Variants in SRRM1 observed in about 807,000 individuals in gnomAD.
SRRM1 encodes the protein serine/arginine repetitive matrix protein 1.
Under a neutral mutation model 110.2 loss-of-function variants are expected in SRRM1, and 19 were observed. That is an observed-to-expected ratio of 0.17 (90% CI 0.12 to 0.25). The LOEUF (loss-of-function observed/expected upper bound fraction) is 0.25. Ranked by LOEUF, SRRM1 falls within the 10% of genes least tolerant of loss-of-function variation. The pLI, the probability that SRRM1 is intolerant of heterozygous loss-of-function variation, is 1.00. For synonymous variants in SRRM1, 443 were observed against 414.9 expected, an observed-to-expected ratio of 1.07 and a Z score of -0.82; for missense variants, 918 against 1,145.8, an observed-to-expected ratio of 0.80 and a Z score of 2.87.
chr1:24,643,463 T>G, intron 1 of SRRM1, 116 bp downstream of exon 1: 6 of 834,334 alleles, frequency 7.2e-6, no homozygotes, highest in East Asian at 3.5e-5. Flanking sequence ...ATCTTAAGGA[T>G]TCCTCCTAGA....
At chr1:24,656,929 A>G (rs1570872292) in intron 9 of SRRM1, among the ~76,000 whole-genome samples, 1 of 152,230 alleles carries the variant, frequency 6.6e-6, no homozygotes, top group East Asian at 1.9e-4. Context: ...GAAGTAAGCC[A>G]TGGTGAAAAT....
At chr1:24,658,660 CATA>C (rs924797201) in intron 9 of SRRM1, among the ~76,000 whole-genome samples, 8 of 151,944 alleles carry the variant, frequency 5.3e-5, no homozygotes, top group African/African-American at 1.9e-4. Context: ...ACGACGTGCC[CATA>C]ATATCTTTGC....
chr1:24,655,070 A>G lies in SRRM1; in HGVS notation c.1256A>G (p.Gln419Arg). 1 of 1,614,192 alleles carries G rather than the reference A, an allele frequency of 6.2e-7. No homozygotes were observed. Among genetic ancestry groups the G allele is most frequent in the Non-Finnish European group, 8.5e-7 (1 of 1,180,034 alleles). The change falls in exon 9 of 17, where the codon CAG becomes CGG. Residue 419 changes from glutamine to arginine, a missense_variant. Physicochemically the swap from Gln to Arg is conservative, Grantham distance 43. Transcript: ENST00000323848. Reference protein sequence around the residue: ...PKTRHSPTPQQSNRTRKSRVS... With the variant: ...PKTRHSPTPQRSNRTRKSRVS... ...ACTCGGCATTCCCCTACACCCCAGCAGTCAAACCGTACAAGAAAAAGTCGT... is the reference window on the plus strand; with the variant it reads ...ACTCGGCATTCCCCTACACCCCAGCGGTCAAACCGTACAAGAAAAAGTCGT...
chr1:24,669,808 T>C (rs1671825357), intron 14 of SRRM1: 2 of 569,878 alleles, frequency 3.5e-6, no homozygotes, highest in Non-Finnish European at 6.1e-6. Context: ...TATTAATTTG[T>C]TTTTGAGGGG....
At chr1:24,662,083 G>A (rs908251406) in intron 11 of SRRM1, among the ~76,000 whole-genome samples, 7 of 152,172 alleles carry the variant, frequency 4.6e-5, no homozygotes, top group African/African-American at 1.7e-4. Flanking sequence ...GGGCAACAGA[G>A]CAAGGCTTTG....
At position 24,666,850 on chromosome 1, in the gene SRRM1, C is replaced by A. The variant is rs760254420; in HGVS notation, c.1664C>A (p.Thr555Asn). ...RRRRSPSPPP[T>N]RRRRSPSPAP... ...AGGAGAAGTCCATCCCCACCACCCA[C>A]CAGAAGGCGACGGTCTCCTTCTCCC... The change falls in exon 13 of 17, where the codon ACC becomes AAC. Residue 555 changes from threonine to asparagine, a missense_variant. Transcript: ENST00000323848. 8 of 1,613,450 alleles carry A rather than the reference C, an allele frequency of 5.0e-6. No individual in the cohort carries two copies. The Admixed American group carries it at 1.3e-4, about 27-fold the overall frequency.
rs540286158 is a variant in SRRM1, at chr1:24,654,978, A to G, written c.1164A>G (p.Leu388=). 3 of 1,614,168 alleles carry G rather than the reference A, an allele frequency of 1.9e-6. No individual in the cohort carries two copies. Among genetic ancestry groups the G allele is most frequent in the African/African-American group, 2.7e-5 (2 of 75,040 alleles). ...GCCCCCCTCGGAAAACTCGTAGGTT[A>G]TCTCCTTCAGCAAGTCCTCCAAGGC... The part of the protein sequence containing the change: ...TSSPPRKTRR[L]SPSASPPRRR... The change falls in exon 9 of 17, where the codon TTA becomes TTG. Residue 388 remains leucine, a synonymous_variant. Transcript: ENST00000323848.
intron 2 of SRRM1, 140 bp downstream of exon 2, chr1:24,646,213 C>T (rs905732390): frequency 1.7e-5 from 11 of 635,576 alleles, no homozygotes; most frequent in Admixed American, 5.1e-5. Flanking sequence ...AGCCACCACA[C>T]GTGGCACAGC....
At chr1:24,664,096 A>T (rs568353627) in intron 12 of SRRM1, among the ~76,000 whole-genome samples, 107 of 150,070 alleles carry the variant, frequency 7.1e-4, no homozygotes, top group African/African-American at 2.5e-3. Context: ...TGTAGGTTCA[A>T]ACGATTCTCC....
chr1:24,646,540 AT>A, intron 2 of SRRM1, 126 bp from the exon 3 acceptor site: 3 of 715,374 alleles, frequency 4.2e-6, no homozygotes, highest in Non-Finnish European at 6.5e-6. Context: ...AAAAAAAAAA[AT>A]TAGCAGATTC....
chr1:24,657,008 G>T (rs1664512627), intron 9 of SRRM1, among the ~76,000 whole-genome samples: 1 of 152,180 alleles, frequency 6.6e-6, no homozygotes, highest in Non-Finnish European at 1.5e-5. Flanking sequence ...AGGCACTACA[G>T]GCAGTGTAGT....
chr1:24,647,723 A>G (rs1027029102), intron 3 of SRRM1: 10 of 152,654 alleles, frequency 6.6e-5, no homozygotes, highest in African/African-American at 2.4e-4. Flanking sequence ...TTTTAAAATA[A>G]TTTGGTGTTT....
chr1:24,663,224 G>T, intron 12 of SRRM1: 1 of 1,507,730 alleles, frequency 6.6e-7, no homozygotes. Context: ...GTGACTAAAA[G>T]GTTGGTTAGA....
At chr1:24,648,747 C>T (rs901210286) in intron 3 of SRRM1, 112 bp from the exon 4 acceptor site, 2 of 863,962 alleles carry the variant, frequency 2.3e-6, no homozygotes, top group South Asian at 1.7e-5. Context: ...TATGTCTAAG[C>T]CCCTATGGTA....
chr1:24,661,173 C>CT (rs540994425), intron 10 of SRRM1, 137 bp from the exon 11 acceptor site: 459 of 603,784 alleles, frequency 7.6e-4, no homozygotes, highest in Non-Finnish European at 1.2e-3. Context: ...ATTTTAAACT[C>CT]TTTTTAAAAA....
chr1:24,662,678 C>T lies in SRRM1; in HGVS notation c.1502C>T (p.Ser501Phe). 1 of 1,613,986 alleles carries T rather than the reference C, an allele frequency of 6.2e-7. No individual in the cohort carries two copies. Among genetic ancestry groups the T allele is most frequent in the Non-Finnish European group, 8.5e-7 (1 of 1,179,986 alleles). The change falls in exon 12 of 17, where the codon TCC becomes TTC. Residue 501 changes from serine (S) to phenylalanine (F), a missense_variant. By Grantham distance (155) the Ser-to-Phe change is radical. Coordinates refer to ENST00000323848, the MANE Select transcript of SRRM1 (RefSeq NM_005839.4). ...QSSSDSGSSS[S>F]SEDERPKRSH... ...ATTATAGACTCTGGCTCCTCCTCCTCCTCAGAAGATGAACGACCCAAGAGA... is the reference window on the plus strand; with the variant it reads ...ATTATAGACTCTGGCTCCTCCTCCTTCTCAGAAGATGAACGACCCAAGAGA...
In SRRM1 at chr1:24,649,034, T is replaced by C; in HGVS notation, c.405+5T>C. 6.2e-7 allele frequency: 1 copy of C among 1,610,368 alleles called. No homozygotes were observed. Among genetic ancestry groups the C allele is most frequent in the Non-Finnish European group, 8.5e-7 (1 of 1,179,020 alleles). ...GAAGAAATAAAACAAAGACAGGTAA[T>C]AACCTTTTCTTTTCTGTAATGTCGA... On this transcript the variant is annotated splice_donor_5th_base_variant and intron_variant, in intron 4 of 16. Coordinates refer to ENST00000323848, the MANE Select transcript of SRRM1 (RefSeq NM_005839.4).
In SRRM1 at chr1:24,646,676, A is replaced by C. The variant is rs773761516; in HGVS notation, c.121A>C (p.Ser41Arg). The C allele has an allele frequency of 6.3e-7, 1 of 1,594,762 alleles. No homozygotes were observed. ...AECLEKKVDM[S>R]KVNLEVIKPW... is the part of the protein sequence containing the mutation. ...TTCTATGTTTCATCAGGTGGACATGAGCAAAGTAAATTTGGAGGTTATAAA... is the reference window on the plus strand; with the variant it reads ...TTCTATGTTTCATCAGGTGGACATGCGCAAAGTAAATTTGGAGGTTATAAA... The change falls in exon 3 of 17, where the codon AGC becomes CGC. Residue 41 changes from serine to arginine, a missense_variant. Ser to Arg is a moderately radical substitution (Grantham distance 110). Coordinates refer to ENST00000323848, the MANE Select transcript of SRRM1 (RefSeq NM_005839.4).
chr1:24,666,934 T>A lies in SRRM1; in HGVS notation c.1739+9T>A. On this transcript the variant is annotated intron_variant, in intron 13 of 16. Coordinates refer to ENST00000323848, the MANE Select transcript of SRRM1 (RefSeq NM_005839.4). ...CCACCACCACGACGAAGGTACTTTGTCAAATATGCTAACTGGAGCATCTCC... is the reference window on the plus strand; with the variant it reads ...CCACCACCACGACGAAGGTACTTTGACAAATATGCTAACTGGAGCATCTCC... 1 of 1,590,636 alleles carries A rather than the reference T, an allele frequency of 6.3e-7. No individual in the cohort carries two copies. Among genetic ancestry groups the A allele is most frequent in the Non-Finnish European group, 8.6e-7 (1 of 1,169,192 alleles).
Sources: allele counts gnomAD v4.1 joint callset (sites outside exome capture counted in the v4.1 genomes callset), GRCh38; gene constraint gnomAD v4.1.1; transcripts MANE v1.5; gene names NCBI Gene and HGNC (gene_info 2026-07-23, HGNC 2026-07-21).